USP30: variants seen among roughly 807,000 people sequenced by gnomAD.
The protein encoded by USP30 is ubiquitin specific peptidase 30.
Under a neutral mutation model 68.2 loss-of-function variants are expected in USP30, and 41 were observed. The observed-to-expected ratio is 0.60, with a 90% confidence interval of 0.47 to 0.78. USP30 has a LOEUF of 0.78. Ranked by LOEUF, USP30 falls within the 30% of genes least tolerant of loss-of-function variation. USP30 has a pLI of 0.00. For synonymous variants in USP30, 229 were observed against 253.7 expected (o/e 0.90, Z 0.93); for missense variants, 522 against 649.4 (o/e 0.80, Z 2.13).
intron 3 of USP30, among the ~76,000 whole-genome samples, chr12:109,064,331 C>T (rs947002395): frequency 2.0e-5 from 3 of 152,218 alleles, no homozygotes; most frequent in African/African-American, 7.2e-5. Flanking sequence ...GTGATGCAAT[C>T]TCAGCTCACT....
upstream of USP30, among the ~76,000 whole-genome samples, chr12:109,050,834 G>A (rs576544053): frequency 2.5e-4 from 38 of 152,020 alleles, no homozygotes; most frequent in East Asian, 6.8e-3. Context: ...GTGAAACCCC[G>A]TCTCTACTAA....
chr12:109,070,719 G>A lies in USP30; in HGVS notation c.481-893G>A, dbSNP rs1336956496. On this transcript the variant is annotated intron_variant, in intron 4 of 12. Coordinates refer to ENST00000257548, the MANE Select transcript of USP30 (RefSeq NM_032663.5). This position sits in a 1 kb window ranked among gnomAD's most constrained non-coding sequence, Gnocchi z 4.0. ...GAGGGGTGGCTTGGGTTTTTGGGGA[G>A]AGAGCCATTTGAGTTGATCCTTCAA... is the stretch of plus-strand genomic sequence containing the variant. 1.3e-5 allele frequency among the ~76,000 whole-genome samples: 2 copies of A among 152,158 alleles called. No individual in the cohort carries two copies. Among genetic ancestry groups the A allele is most frequent in the Non-Finnish European group, 2.9e-5 (2 of 68,018 alleles).
At chr12:109,062,414 A>C (rs2041102050) in intron 3 of USP30, among the ~76,000 whole-genome samples, 1 of 140,762 alleles carries the variant, frequency 7.1e-6, no homozygotes, top group Admixed American at 7.8e-5. Flanking sequence ...GGCTCACTGC[A>C]AGCTCCACCT....
At chr12:109,058,800 C>T (rs2040962284) in intron 3 of USP30, among the ~76,000 whole-genome samples, 1 of 152,128 alleles carries the variant, frequency 6.6e-6, no homozygotes, top group Non-Finnish European at 1.5e-5. Flanking sequence ...ATGTTCGACT[C>T]GACCATCATC....
chr12:109,046,154 G>A (rs1248788647), intron 3 of USP30, among the ~76,000 whole-genome samples: 2 of 137,564 alleles, frequency 1.5e-5, no homozygotes, highest in African/African-American at 5.3e-5. Flanking sequence ...AGGCTGGAGT[G>A]CAGTGGCGCG....
intron 2 of USP30, 57 bp downstream of exon 2, chr12:109,056,848 T>C: frequency 7.9e-7 from 1 of 1,263,312 alleles, no homozygotes; most frequent in Non-Finnish European, 1.1e-6. Flanking sequence ...CCCTGTTATC[T>C]GAAAACAGTA....
At chr12:109,079,306 T>G (rs1487697728) in intron 7 of USP30, among the ~76,000 whole-genome samples, 1 of 150,248 alleles carries the variant, frequency 6.7e-6, no homozygotes, top group Non-Finnish European at 1.5e-5. Flanking sequence ...TCACGTTCAC[T>G]GATTCTTTTT....
Position 109,081,635 on chromosome 12 carries a change from A to G in USP30, c.780+242A>G, listed in dbSNP as rs899450520. On this transcript the variant is annotated intron_variant, in intron 8 of 12. Transcript: ENST00000257548. ...CGCACGCATGCGCGCACACACACAC[A>G]CACACACACACACACACACACACAC... 6.0e-4 allele frequency: 333 copies of G among 555,104 alleles called. 1 individual carries two copies. Among genetic ancestry groups the G allele is most frequent in the African/African-American group, 9.4e-4 (47 of 49,892 alleles). 34.4% of individuals were successfully genotyped at this position (555,104 alleles called of 1,614,324 possible). A position where few individuals can be genotyped will look rare whatever the true frequency, so the allele number is the denominator to read the frequency against.
chr12:109,040,846 G>A (rs555600376), intron 3 of USP30, among the ~76,000 whole-genome samples: 11 of 152,326 alleles, frequency 7.2e-5, no homozygotes, highest in African/African-American at 2.2e-4. Context: ...AATTCACATA[G>A]CATCACTCTC....
chr12:109,046,335 G>T (rs375692939), intron 3 of USP30, among the ~76,000 whole-genome samples: 1 of 151,372 alleles, frequency 6.6e-6, no homozygotes, highest in African/African-American at 2.4e-5. Flanking sequence ...GGATGGTCTC[G>T]ATCTCCTGAC....
intron 7 of USP30, among the ~76,000 whole-genome samples, chr12:109,075,412 G>A (rs1258844733): frequency 6.6e-6 from 1 of 152,040 alleles, no homozygotes; most frequent in Non-Finnish European, 1.5e-5. Flanking sequence ...GTGCAGTGGT[G>A]CCATCTTGGC....
At chr12:109,080,444 T>G (rs2041764072) in intron 7 of USP30, among the ~76,000 whole-genome samples, 1 of 152,222 alleles carries the variant, frequency 6.6e-6, no homozygotes, top group African/African-American at 2.4e-5. Flanking sequence ...TTGCAAACTT[T>G]ACAATTGTTA....
At position 109,073,453 on chromosome 12, in the gene USP30, C is replaced by T; in HGVS notation, c.641C>T (p.Thr214Ile). Residue 214 changes from threonine to isoleucine, a missense_variant, in exon 7 of 13, where the codon ACA (threonine) becomes ATA (isoleucine). Coordinates refer to ENST00000257548, the MANE Select transcript of USP30 (RefSeq NM_032663.5). The stretch of plus-strand genomic sequence containing the variant: ...TGCATTCCAGGGTCACCTCACCCTA[C>T]ATCCAATCACTGGAAGTCTCAACAT... The part of the protein sequence containing the change: ...TCRTRGSPHP[T>I]SNHWKSQHPF... The T allele has an allele frequency of 1.2e-6, 2 of 1,614,106 alleles. No individual in the cohort carries two copies. The highest frequency in any genetic ancestry group is 1.7e-6 in the Non-Finnish European group (2 of 1,179,922).
At chr12:109,081,620 C>CACGT (rs1483758351) in intron 8 of USP30, 1 of 540,750 alleles carries the variant, frequency 1.8e-6, no homozygotes, top group African/African-American at 2.6e-5. Context: ...CGCACGCATG[C>CACGT]GCGCACACAC....
chr12:109,076,534 T>C (rs2041613244), intron 7 of USP30, among the ~76,000 whole-genome samples: 1 of 152,104 alleles, frequency 6.6e-6, no homozygotes, highest in African/African-American at 2.4e-5. Context: ...TTTGGTGTTT[T>C]ATAATTAAGT....
At chr12:109,038,486 A>G (rs1401094280) in intron 3 of USP30, among the ~76,000 whole-genome samples, 2 of 151,776 alleles carry the variant, frequency 1.3e-5, no homozygotes, top group Non-Finnish European at 2.9e-5. Context: ...TTCCCTTTTA[A>G]GCTTTTTGCT....
chr12:109,053,893 G>A (rs2040755308), intron 1 of USP30: 1 of 387,938 alleles, frequency 2.6e-6, no homozygotes, highest in Admixed American at 3.1e-5. Context: ...GAACTTCGTG[G>A]TTTTAAGCAC....
rs761237005 is a variant in USP30 at position 109,072,334 on chromosome 12, T to C, written c.609T>C (p.Ile203=). The change falls in exon 6 of 13, where the codon ATT becomes ATC. Residue 203 remains isoleucine (I), a synonymous_variant. Transcript: ENST00000257548. ...EQQSEITPKQ[I]TCRTRGSPHP... is the part of the protein sequence containing the mutation. Reference sequence around the variant, plus strand: ...AGTCAGAAATAACTCCCAAACAAATTACCTGCCGCACAAGAGGTAGCTGTT... The same window carrying C: ...AGTCAGAAATAACTCCCAAACAAATCACCTGCCGCACAAGAGGTAGCTGTT... 6.2e-7 allele frequency: 1 copy of C among 1,613,736 alleles called. No individual in the cohort carries two copies. The highest frequency in any genetic ancestry group is 8.5e-7 in the Non-Finnish European group (1 of 1,179,782).
intron 3 of USP30, among the ~76,000 whole-genome samples, chr12:109,063,442 G>T (rs572797143): frequency 6.6e-6 from 1 of 152,172 alleles, no homozygotes; most frequent in Non-Finnish European, 1.5e-5. Context: ...GCAGCATTTT[G>T]TTTGTCCCTC....
Sources: allele counts gnomAD v4.1 joint callset (sites outside exome capture counted in the v4.1 genomes callset), GRCh38; gene constraint gnomAD v4.1.1; non-coding constraint Gnocchi (gnomAD v3.1); transcripts MANE v1.5; gene names NCBI Gene and HGNC (gene_info 2026-07-23, HGNC 2026-07-21).